TCF12: variants seen among roughly 807,000 people sequenced by gnomAD.
TCF12 encodes DNA-binding protein HTF4.
Under a neutral mutation model 86.0 loss-of-function variants are expected in TCF12, and 45 were observed. The observed-to-expected ratio is 0.52, with a 90% CI of 0.41 to 0.67. The LOEUF (loss-of-function observed/expected upper bound fraction) is 0.67, where lower values mean the gene tolerates loss of function less well. TCF12 is among the 30% of genes least tolerant of loss of function. The pLI, the probability that TCF12 is intolerant of heterozygous loss-of-function variation, is 0.00. For missense variants in TCF12, 881 were observed against 859.9 expected (o/e 1.02, Z -0.31); for synonymous variants, 330 against 299.6 (o/e 1.10, Z -1.05).
At chr15:57,066,336 A>G (rs1307765867) in intron 4 of TCF12, among the ~76,000 whole-genome samples, 1 of 152,154 alleles carries the variant, frequency 6.6e-6, no homozygotes, top group East Asian at 1.9e-4. Context: ...ATTCTTATTT[A>G]AGTACATTGA....
At chr15:57,233,667 G>T (rs1477268800) in intron 11 of TCF12, among the ~76,000 whole-genome samples, 1 of 152,064 alleles carries the variant, frequency 6.6e-6, no homozygotes, top group African/African-American at 2.4e-5. Context: ...AGCAGAGATG[G>T]GGTTTGTCCA....
intron 5 of TCF12, among the ~76,000 whole-genome samples, chr15:57,115,381 T>C (rs1204672186): frequency 6.6e-6 from 1 of 152,246 alleles, no homozygotes; most frequent in Non-Finnish European, 1.5e-5. Context: ...CATCAAAATA[T>C]ACATTCTAGT....
At chr15:57,002,052 C>T (rs1447440738) in intron 3 of TCF12, among the ~76,000 whole-genome samples, 1 of 152,158 alleles carries the variant, frequency 6.6e-6, no homozygotes, top group Admixed American at 6.5e-5. Context: ...GTATCTATGT[C>T]CCTAGTTTTT....
At chr15:57,054,707 C>G (rs2141614007) in intron 3 of TCF12, among the ~76,000 whole-genome samples, 1 of 148,954 alleles carries the variant, frequency 6.7e-6, no homozygotes, top group African/African-American at 2.5e-5. Flanking sequence ...TACTGTATCT[C>G]CATTCTTTTG....
chr15:57,172,409 A>T (rs1364379617), intron 6 of TCF12, among the ~76,000 whole-genome samples: 3 of 152,210 alleles, frequency 2.0e-5, no homozygotes, highest in African/African-American at 4.8e-5. Flanking sequence ...TATGTATAGA[A>T]CTCTGCATAC....
intron 7 of TCF12, among the ~76,000 whole-genome samples, chr15:57,196,289 G>A (rs1386391395): frequency 6.6e-6 from 1 of 152,072 alleles, no homozygotes; most frequent in Non-Finnish European, 1.5e-5. Context: ...ATAGTATTAG[G>A]TATTATACAT....
intron 5 of TCF12, among the ~76,000 whole-genome samples, chr15:57,108,852 A>G (rs2050306000): frequency 6.6e-6 from 1 of 152,224 alleles, no homozygotes; most frequent in Admixed American, 6.5e-5. Flanking sequence ...AAATGAAAAT[A>G]TACTTTCCTC....
intron 3 of TCF12, among the ~76,000 whole-genome samples, chr15:57,014,246 G>T (rs1440372175): frequency 1.3e-5 from 2 of 152,086 alleles, no homozygotes; most frequent in Non-Finnish European, 2.9e-5. Context: ...ACTAATTTGT[G>T]TTATGTGTTC....
At position 56,988,718 on chromosome 15, in the gene TCF12, G is replaced by A. The variant is rs201211850; in HGVS notation, c.148+67620G>A. On this transcript the variant is annotated intron_variant, in intron 3 of 20. Coordinates refer to ENST00000333725, the MANE Select transcript of TCF12 (RefSeq NM_207037.2). ...TGAATTGAACTTTAAAGTGTATTAT[G>A]TGTCTGAAATTAATTCCAGAGTAGT... Among the ~76,000 whole-genome samples, 6 of 152,298 alleles carry A rather than the reference G, an allele frequency of 3.9e-5. No individual in the cohort carries two copies. The East Asian group carries it at 5.8e-4, about 15-fold the overall frequency.
chr15:57,248,086 A>G (rs1422963839), intron 13 of TCF12: 1 of 702,560 alleles, frequency 1.4e-6, no homozygotes, highest in Admixed American at 2.0e-5. Context: ...ACTCAAGTTC[A>G]GTATCCCATC....
At chr15:57,063,154 A>G (rs2068591796) in intron 3 of TCF12, among the ~76,000 whole-genome samples, 1 of 152,196 alleles carries the variant, frequency 6.6e-6, no homozygotes, top group Admixed American at 6.5e-5. Context: ...CAAATTGTGT[A>G]TAATTTTAGA....
chr15:57,197,155 T>C (rs995852761), intron 7 of TCF12, among the ~76,000 whole-genome samples: 1 of 137,876 alleles, frequency 7.3e-6, no homozygotes, highest in Non-Finnish European at 1.6e-5. Flanking sequence ...ACAGCTTCTT[T>C]TTTTTTTTTT....
intron 20 of TCF12, among the ~76,000 whole-genome samples, chr15:57,285,854 G>A (rs1278949150): frequency 1.3e-5 from 2 of 152,194 alleles, no homozygotes; most frequent in African/African-American, 4.8e-5. Flanking sequence ...CTTGAGCCCA[G>A]GAGTTGAAGG....
intron 5 of TCF12, among the ~76,000 whole-genome samples, chr15:57,164,614 G>A (rs1291322002): frequency 6.6e-6 from 1 of 152,138 alleles, no homozygotes; most frequent in South Asian, 2.1e-4. Context: ...ACAATTCAGG[G>A]TGAGATTTGG....
At chr15:57,266,310 T>A (rs1342388181) in intron 18 of TCF12, among the ~76,000 whole-genome samples, 1 of 152,086 alleles carries the variant, frequency 6.6e-6, no homozygotes, top group Non-Finnish European at 1.5e-5. Context: ...ACTCCTGGCC[T>A]CAAGTGATCT....
chr15:56,940,731 TC>T (rs1158562284), intron 3 of TCF12, among the ~76,000 whole-genome samples: 3 of 82,300 alleles, frequency 3.6e-5, no homozygotes, highest in South Asian at 6.3e-4. Flanking sequence ...TCCCCTTCTC[TC>T]CCCCCCCTTC....
chr15:57,046,190 C>A (rs539607716), intron 3 of TCF12, among the ~76,000 whole-genome samples: 1 of 152,222 alleles, frequency 6.6e-6, no homozygotes, highest in Non-Finnish European at 1.5e-5. Context: ...TATCAACCCA[C>A]ATTTAACAGA....
chr15:57,132,485 C>G (rs1463134926), intron 5 of TCF12, among the ~76,000 whole-genome samples: 1 of 152,128 alleles, frequency 6.6e-6, no homozygotes, highest in Non-Finnish European at 1.5e-5. Context: ...AGGGTCAATT[C>G]AGATTCAGCT....
At chr15:57,269,076 C>A (rs1448887635) in intron 18 of TCF12, among the ~76,000 whole-genome samples, 2 of 151,958 alleles carry the variant, frequency 1.3e-5, no homozygotes, top group African/African-American at 4.8e-5. Context: ...TCCTGGATAT[C>A]CTTGTTAATT....
Sources: allele counts gnomAD v4.1 joint callset (sites outside exome capture counted in the v4.1 genomes callset), GRCh38; gene constraint gnomAD v4.1.1; transcripts MANE v1.5; gene names NCBI Gene and HGNC (gene_info 2026-07-23, HGNC 2026-07-21).